Variants in MDGA2 observed in about 807,000 individuals in gnomAD.
MDGA2 encodes MAM domain containing glycosylphosphatidylinositol anchor 2.
In MDGA2, 40 loss-of-function variants were observed where a neutral mutation model predicts 117.8. That is an observed-to-expected ratio of 0.34 (90% confidence interval 0.26 to 0.44). The LOEUF (loss-of-function observed/expected upper bound fraction) is 0.44, where lower values mean the gene tolerates loss of function less well. Ranked by LOEUF, MDGA2 falls within the 20% of genes least tolerant of loss-of-function variation. The probability of loss-of-function intolerance (pLI) is 1.00; values close to 1 mark genes in which losing one functional copy is unlikely to be tolerated. For missense variants in MDGA2, 1,123 were observed against 1,250.6 expected (o/e 0.90, Z 1.54); for synonymous variants, 452 against 439.0 (o/e 1.03, Z -0.37).
At chr14:47,099,104 T>G (rs941384766) in intron 5 of MDGA2, among the ~76,000 whole-genome samples, 1 of 151,896 alleles carries the variant, frequency 6.6e-6, no homozygotes, top group Non-Finnish European at 1.5e-5. Flanking sequence ...TTTTATCTGT[T>G]TATACCTGAA....
At position 47,195,646 on chromosome 14, in the gene MDGA2, G is replaced by A; in HGVS notation, c.595+22375C>T. 1.3e-5 allele frequency among the ~76,000 whole-genome samples: 2 copies of A among 151,998 alleles called. 1 individual carries two copies. The highest frequency in any genetic ancestry group is 2.9e-5 in the Non-Finnish European group (2 of 67,924). ...TTCAAGCAGTTCATTGACTTTTGTT[G>A]TGTATCTTAAATAGAAATTTAAAAT... On this transcript the variant is annotated intron_variant, in intron 3 of 16. Coordinates refer to ENST00000399232, the MANE Select transcript of MDGA2 (RefSeq NM_001113498.3).
chr14:47,561,152 T>TTTTTG (rs770132333), intron 1 of MDGA2, among the ~76,000 whole-genome samples: 26 of 86,006 alleles, frequency 3.0e-4, no homozygotes, highest in East Asian at 8.6e-4. Flanking sequence ...TTTTTTTTTT[T>TTTTTG]GTTTTGTTTT....
chr14:47,322,469 A>C (rs1174174296), intron 1 of MDGA2, among the ~76,000 whole-genome samples: 1 of 152,218 alleles, frequency 6.6e-6, no homozygotes, highest in Non-Finnish European at 1.5e-5. Context: ...AGCCTAAAAA[A>C]TAAAAATTAC....
intron 2 of MDGA2, among the ~76,000 whole-genome samples, chr14:47,251,310 C>T (rs921647139): frequency 6.6e-6 from 1 of 152,164 alleles, no homozygotes; most frequent in African/African-American, 2.4e-5. Flanking sequence ...TCTTTCTCAT[C>T]ATTCAGATCT....
intron 1 of MDGA2, among the ~76,000 whole-genome samples, chr14:47,645,425 G>A (rs2138255931): frequency 6.6e-6 from 1 of 151,272 alleles, no homozygotes; most frequent in African/African-American, 2.4e-5. Context: ...TATTAGAGAC[G>A]GAGTTTCACC....
chr14:47,174,759 A>G (rs1884357178), intron 3 of MDGA2, among the ~76,000 whole-genome samples: 1 of 152,168 alleles, frequency 6.6e-6, no homozygotes, highest in South Asian at 2.1e-4. Context: ...AAGAGCAAAC[A>G]CATTCAAAAG....
Position 46,990,901 on chromosome 14 carries a change from C to CATA in MDGA2, c.1820-33259_1820-33258insTAT, listed in dbSNP as rs67627850. 1.5e-3 allele frequency among the ~76,000 whole-genome samples: 213 copies of CATA among 145,340 alleles called. 1 individual carries two copies. Among genetic ancestry groups the CATA allele is most frequent in the African/African-American group, 5.1e-3 (202 of 39,304 alleles). ...ACACACACACACACACACACACACA[C>CATA]CCCGCGTAAGACACAGCTAGAAAAT... is the stretch of plus-strand genomic sequence containing the variant. On this transcript the variant is annotated intron_variant, in intron 8 of 16. Coordinates refer to ENST00000399232, the MANE Select transcript of MDGA2 (RefSeq NM_001113498.3).
intron 8 of MDGA2, among the ~76,000 whole-genome samples, chr14:46,963,646 A>T (rs765868316): frequency 6.6e-6 from 1 of 152,088 alleles, no homozygotes; most frequent in Non-Finnish European, 1.5e-5. Flanking sequence ...TTCAGATTTT[A>T]CCTCTTTAGG....
chr14:47,159,172 C>T (rs1222922093), intron 3 of MDGA2, among the ~76,000 whole-genome samples: 1 of 152,122 alleles, frequency 6.6e-6, no homozygotes, highest in Non-Finnish European at 1.5e-5. Flanking sequence ...AGAGTGAAGC[C>T]TAATGTAAAC....
intron 5 of MDGA2, among the ~76,000 whole-genome samples, chr14:47,128,853 C>A (rs1882040119): frequency 6.6e-6 from 1 of 151,902 alleles, no homozygotes; most frequent in African/African-American, 2.4e-5. Flanking sequence ...TGCCACCATG[C>A]CCGGCTAATG....
chr14:47,674,683 G>T lies in MDGA2; in HGVS notation c.114C>A (p.Ala38=). 8.0e-7 allele frequency: 1 copy of T among 1,244,648 alleles called. No homozygotes were observed. 77.1% of individuals were successfully genotyped at this position (1,244,648 alleles called of 1,614,324 possible). ...GCCAGGCGCGCTCCACTCGCGCCCG[G>T]GCCAAGCCGAGGTGCCCGGGAACCG... ...RRAVPGHLGL[A]RARVERAWLA... Residue 38 remains alanine, a synonymous_variant, in exon 1 of 17, where the codon GCC becomes GCA. Coordinates refer to ENST00000399232, the MANE Select transcript of MDGA2 (RefSeq NM_001113498.3).
intron 2 of MDGA2, among the ~76,000 whole-genome samples, chr14:47,264,724 G>A (rs1182992969): frequency 6.6e-6 from 1 of 151,758 alleles, no homozygotes; most frequent in Non-Finnish European, 1.5e-5. Flanking sequence ...AGAATGTGCA[G>A]GTTTGTTACA....
intron 1 of MDGA2, among the ~76,000 whole-genome samples, chr14:47,429,037 C>A (rs1892746488): frequency 6.6e-6 from 1 of 151,868 alleles, no homozygotes; most frequent in African/African-American, 2.4e-5. Flanking sequence ...CAAGCCTGGC[C>A]CACATGGTAA....
chr14:47,291,709 G>A (rs918737624), intron 2 of MDGA2, among the ~76,000 whole-genome samples: 7 of 152,108 alleles, frequency 4.6e-5, no homozygotes, highest in Admixed American at 6.6e-5. Flanking sequence ...AGGGAATATC[G>A]TACTGCACAT....
chr14:47,476,843 T>C (rs6572429), intron 1 of MDGA2, among the ~76,000 whole-genome samples: 114,632 of 152,174 alleles, frequency 0.75, 43,604 homozygotes, highest in East Asian at 1. Context: ...ATCTCTTTAA[T>C]ATTCAATGTT....
chr14:47,174,801 A>T (rs1884359068), intron 3 of MDGA2, among the ~76,000 whole-genome samples: 1 of 152,220 alleles, frequency 6.6e-6, no homozygotes, highest in Non-Finnish European at 1.5e-5. Context: ...CTAAAATCAG[A>T]GGAGAACTGA....
At chr14:46,974,802 T>C (rs1886395142) in intron 8 of MDGA2, among the ~76,000 whole-genome samples, 1 of 152,102 alleles carries the variant, frequency 6.6e-6, no homozygotes. Context: ...TGACATGGAA[T>C]TTGGCAGTAA....
chr14:47,475,682 G>A (rs1191448053), intron 1 of MDGA2, among the ~76,000 whole-genome samples: 1 of 152,172 alleles, frequency 6.6e-6, no homozygotes, highest in Non-Finnish European at 1.5e-5. Flanking sequence ...CAGGGACATA[G>A]ATGGAGCTCG....
At chr14:47,258,511 C>A (rs1163702169) in intron 2 of MDGA2, among the ~76,000 whole-genome samples, 1 of 152,050 alleles carries the variant, frequency 6.6e-6, no homozygotes, top group Admixed American at 6.6e-5. Context: ...TCCCACCAAG[C>A]CCCTCTTCCA....
Sources: gnomAD v4.1 joint callset for allele counts (sites outside exome capture counted in the v4.1 genomes callset) on GRCh38, gnomAD v4.1.1 for gene constraint, MANE v1.5 for transcripts, NCBI Gene and HGNC (gene_info 2026-07-23, HGNC 2026-07-21) for gene names.